Variants in ARHGAP8 observed in about 807,000 individuals in gnomAD.
The protein encoded by ARHGAP8 is Rho GTPase activating protein 8.
Under a neutral mutation model 46.1 loss-of-function variants are expected in ARHGAP8, and 62 were observed. The observed-to-expected ratio is 1.34, with a 90% CI of 1.10 to 1.66. ARHGAP8 has a LOEUF of 1.66. ARHGAP8 is among the 40% of genes most tolerant of loss of function. ARHGAP8 has a pLI of 0.00. For missense variants in ARHGAP8, 923 were observed against 568.4 expected (o/e 1.62, Z -6.34); for synonymous variants, 375 against 243.1 (o/e 1.54, Z -5.05).
At chr22:44,808,467 G>A (rs750425496) in intron 4 of ARHGAP8, 29 bp downstream of exon 4, 13 of 1,611,288 alleles carry the variant, frequency 8.1e-6, no homozygotes, top group African/African-American at 1.3e-5. Flanking sequence ...TCAGGGACGT[G>A]GGTGTGGGCT....
chr22:44,786,217 T>G (rs1323565311), intron 1 of ARHGAP8: 24 of 575,186 alleles, frequency 4.2e-5, no homozygotes, highest in Non-Finnish European at 6.0e-5. Context: ...GCTCGACTGA[T>G]GTAGAGTGTA....
At chr22:44,753,620 G>A (rs912444735) in intron 1 of ARHGAP8, among the ~76,000 whole-genome samples, 3 of 151,042 alleles carry the variant, frequency 2.0e-5, no homozygotes, top group Admixed American at 1.3e-4. Flanking sequence ...TGTGGGGGGT[G>A]GGGGGGCTCC....
At chr22:44,762,825 T>A (rs1437982554) in intron 1 of ARHGAP8, among the ~76,000 whole-genome samples, 33 of 152,104 alleles carry the variant, frequency 2.2e-4, no homozygotes, top group Non-Finnish European at 4.4e-5. Flanking sequence ...ATTACAGGCA[T>A]GAGCCACCGT....
intron 4 of ARHGAP8, 27 bp downstream of exon 4, chr22:44,808,465 G>C (rs369378992): frequency 1.2e-6 from 2 of 1,611,926 alleles, no homozygotes. Context: ...CTTCAGGGAC[G>C]TGGGTGTGGG....
intron 1 of ARHGAP8, among the ~76,000 whole-genome samples, chr22:44,765,698 G>A (rs1569133790): frequency 6.6e-6 from 1 of 152,196 alleles, no homozygotes; most frequent in Non-Finnish European, 1.5e-5. Context: ...AGCAGCCCTC[G>A]TCACCTCTGC....
At chr22:44,848,108 C>T (rs1356733931) in intron 9 of ARHGAP8, 58 bp downstream of exon 9, 13 of 1,591,346 alleles carry the variant, frequency 8.2e-6, no homozygotes, top group African/African-American at 4.0e-5. Context: ...CACAGCGCTC[C>T]GGGGCCTCAG....
At chr22:44,761,252 T>A (rs893254735) in intron 1 of ARHGAP8, among the ~76,000 whole-genome samples, 2 of 152,228 alleles carry the variant, frequency 1.3e-5, no homozygotes, top group Non-Finnish European at 2.9e-5. Flanking sequence ...TCGTGGGCTC[T>A]GCATCCGTGG....
chr22:44,846,369 T>C (rs545114360), intron 8 of ARHGAP8, among the ~76,000 whole-genome samples: 3 of 152,294 alleles, frequency 2.0e-5, no homozygotes, highest in Admixed American at 2.0e-4. Flanking sequence ...GGAGAGCCCC[T>C]CCTCACTTGT....
intron 1 of ARHGAP8, chr22:44,765,156 C>T (rs1412730504): frequency 1.3e-5 from 2 of 152,172 alleles, no homozygotes; most frequent in Non-Finnish European, 2.9e-5. Context: ...TGGCCCGGGG[C>T]CTGCACTGGG....
At chr22:44,775,924 T>G (rs1205798622) in intron 1 of ARHGAP8, among the ~76,000 whole-genome samples, 1 of 152,174 alleles carries the variant, frequency 6.6e-6, no homozygotes, top group Admixed American at 6.5e-5. Context: ...ATTTCCAAAT[T>G]TGCTTGATGT....
chr22:44,859,239 G>T lies in ARHGAP8; in HGVS notation c.878-492G>T, dbSNP rs139092323. On this transcript the variant is annotated intron_variant, in intron 10 of 11. Transcript: ENST00000356099. Reference sequence around the variant, plus strand: ...CGTCTCATGTTGAATTGAAACTTTGGAGGTGGGGACTGGTGGCAGGTGATT... The same window carrying T: ...CGTCTCATGTTGAATTGAAACTTTGTAGGTGGGGACTGGTGGCAGGTGATT... 1.4e-3 allele frequency among the ~76,000 whole-genome samples: 211 copies of T among 151,980 alleles called. 2 individuals are homozygous for T. Among genetic ancestry groups the T allele is most frequent in the East Asian group, 7.8e-4 (4 of 5,116 alleles).
At chr22:44,815,860 TGG>T (rs971395099) in intron 5 of ARHGAP8, among the ~76,000 whole-genome samples, 2 of 148,146 alleles carry the variant, frequency 1.4e-5, no homozygotes, top group African/African-American at 5.1e-5. Flanking sequence ...GGGGGTGGGG[TGG>T]GGAAGAGACT....
chr22:44,766,357 A>T (rs553585474), intron 1 of ARHGAP8, among the ~76,000 whole-genome samples: 1 of 152,134 alleles, frequency 6.6e-6, no homozygotes, highest in Admixed American at 6.6e-5. Flanking sequence ...CTGGAGTCTG[A>T]CGGCCCAGAA....
chr22:44,768,466 A>AT (rs58497118), intron 1 of ARHGAP8, among the ~76,000 whole-genome samples: 8,225 of 140,902 alleles, frequency 0.058, 786 homozygotes, highest in African/African-American at 0.2. Context: ...CACTTGGCTA[A>AT]TTTTTTTTTT....
At chr22:44,855,757 C>G (rs757890029) in intron 10 of ARHGAP8, among the ~76,000 whole-genome samples, 2 of 152,094 alleles carry the variant, frequency 1.3e-5, no homozygotes, top group Non-Finnish European at 2.9e-5. Context: ...CCACAGATAG[C>G]CAAAAGAAAG....
chr22:44,861,192 G>C (rs1047112726), intron 11 of ARHGAP8, among the ~76,000 whole-genome samples: 2 of 151,960 alleles, frequency 1.3e-5, no homozygotes, highest in African/African-American at 2.4e-5. Flanking sequence ...GGCTGATCTT[G>C]AACTCCTGAC....
chr22:44,767,984 C>CTGTTTT (rs1925707929), intron 1 of ARHGAP8, among the ~76,000 whole-genome samples: 1 of 47,228 alleles, frequency 2.1e-5, no homozygotes, highest in African/African-American at 8.9e-5. Context: ...CGCATGATGT[C>CTGTTTT]TTTTTTTTTT....
chr22:44,820,645 G>A (rs78972765), intron 5 of ARHGAP8, among the ~76,000 whole-genome samples: 1 of 152,182 alleles, frequency 6.6e-6, no homozygotes, highest in Non-Finnish European at 1.5e-5. Context: ...TGTGCTTGGG[G>A]TGAGGGGCAC....
At chr22:44,845,208 C>T (rs939690502) in intron 7 of ARHGAP8, 61 bp from the exon 8 acceptor site, 2 of 1,605,528 alleles carry the variant, frequency 1.2e-6, no homozygotes, top group African/African-American at 2.7e-5. Context: ...AGCGCCTCTT[C>T]TCATTGTGAT....
Sources: gnomAD v4.1 joint callset for allele counts (sites outside exome capture counted in the v4.1 genomes callset) on GRCh38, gnomAD v4.1.1 for gene constraint, MANE v1.5 for transcripts, NCBI Gene and HGNC (gene_info 2026-07-23, HGNC 2026-07-21) for gene names.